MINDY3: variants seen among roughly 807,000 people sequenced by gnomAD.
MINDY3 encodes the protein MINDY lysine 48 deubiquitinase 3, also known as ubiquitin carboxyl-terminal hydrolase MINDY-3.
Under a neutral mutation model 69.2 loss-of-function variants are expected in MINDY3, and 38 were observed. That is an observed-to-expected ratio of 0.55 (90% CI 0.42 to 0.72). The LOEUF (loss-of-function observed/expected upper bound fraction) is 0.72, where lower values mean the gene tolerates loss of function less well. Among genes scored for constraint, MINDY3 ranks in the 30% least tolerant of loss-of-function variants. The probability of loss-of-function intolerance (pLI) is 0.00; values close to 1 mark genes in which losing one functional copy is unlikely to be tolerated. For synonymous variants in MINDY3, 192 were observed against 180.1 expected, an observed-to-expected ratio of 1.07 and a Z score of -0.53; for missense variants, 522 against 519.0, an observed-to-expected ratio of 1.01 and a Z score of -0.06.
At position 15,789,231 on chromosome 10, in the gene MINDY3, T is replaced by G. The variant is rs1837226516; in HGVS notation, c.1028+16A>C. 1 of 1,585,082 alleles carries G rather than the reference T, an allele frequency of 6.3e-7. No individual in the cohort carries two copies. The highest frequency in any genetic ancestry group is 1.3e-5 in the African/African-American group (1 of 74,214). On this transcript the variant is annotated intron_variant, in intron 12 of 14. Coordinates refer to ENST00000277632, the MANE Select transcript of MINDY3 (RefSeq NM_024948.4). Reference sequence around the variant, plus strand: ...TCTTTTTGAGTTGGCTAAATAACACTTCCTATTTAGCTTACTATTCAGGAT... The same window carrying G: ...TCTTTTTGAGTTGGCTAAATAACACGTCCTATTTAGCTTACTATTCAGGAT...
intron 10 of MINDY3, among the ~76,000 whole-genome samples, chr10:15,815,242 G>A (rs188508599): frequency 6.6e-6 from 1 of 152,220 alleles, no homozygotes; most frequent in East Asian, 1.9e-4. Flanking sequence ...CTTCAGGAAG[G>A]AAATAAATAG....
intron 10 of MINDY3, among the ~76,000 whole-genome samples, chr10:15,800,166 A>C (rs1285866770): frequency 6.6e-6 from 1 of 152,158 alleles, no homozygotes; most frequent in Non-Finnish European, 1.5e-5. Context: ...GATATTTTCA[A>C]AAGTTAAGAA....
intron 1 of MINDY3, among the ~76,000 whole-genome samples, chr10:15,852,040 G>A (rs749949209): frequency 6.6e-5 from 10 of 152,062 alleles, no homozygotes; most frequent in Non-Finnish European, 1.3e-4. Context: ...TTATTTTTCA[G>A]GTCTCAGTTT....
At chr10:15,803,368 A>G (rs968847712) in intron 10 of MINDY3, among the ~76,000 whole-genome samples, 1 of 152,190 alleles carries the variant, frequency 6.6e-6, no homozygotes, top group Non-Finnish European at 1.5e-5. Flanking sequence ...AATATACTGC[A>G]TATTTGCATA....
chr10:15,793,495 A>G (rs1674576969), intron 11 of MINDY3, among the ~76,000 whole-genome samples: 1 of 152,196 alleles, frequency 6.6e-6, no homozygotes, highest in Non-Finnish European at 1.5e-5. Context: ...ATGGGCAGAA[A>G]TTGCTCAACT....
At chr10:15,798,122 A>G (rs1163026832) in intron 10 of MINDY3, among the ~76,000 whole-genome samples, 1 of 152,156 alleles carries the variant, frequency 6.6e-6, no homozygotes, top group Admixed American at 6.5e-5. Context: ...TGAATGAGGA[A>G]AAGTTCTGAA....
chr10:15,814,631 A>G (rs1011236003), intron 10 of MINDY3, among the ~76,000 whole-genome samples: 8 of 152,104 alleles, frequency 5.3e-5, no homozygotes, highest in African/African-American at 1.7e-4. Context: ...TGCACATGAC[A>G]GGGATCTATG....
Position 15,852,854 on chromosome 10 carries a change from C to T in MINDY3, c.95-4911G>A, listed in dbSNP as rs896410503. ...AAAATATTTGAGGGTGGGAAAAAAA[C>T]GATGGTTGGGTCTGTACTAAACATG... is the stretch of plus-strand genomic sequence containing the variant. On this transcript the variant is annotated intron_variant, in intron 1 of 14. Coordinates refer to ENST00000277632, the MANE Select transcript of MINDY3 (RefSeq NM_024948.4). Among the ~76,000 whole-genome samples the T allele has an allele frequency of 5.3e-5, 8 of 152,014 alleles. 1 individual carries two copies. The highest frequency in any genetic ancestry group is 4.1e-4 in the South Asian group (2 of 4,820).
At chr10:15,841,929 G>C (rs1352243867) in intron 3 of MINDY3, among the ~76,000 whole-genome samples, 1 of 151,636 alleles carries the variant, frequency 6.6e-6, no homozygotes, top group African/African-American at 2.4e-5. Flanking sequence ...TAAGCCAAGA[G>C]GTTTCCTCTA....
chr10:15,784,910 G>T (rs142887008), intron 13 of MINDY3, among the ~76,000 whole-genome samples: 1 of 152,078 alleles, frequency 6.6e-6, no homozygotes. Context: ...CACCGAGGGC[G>T]TCTGAGCTGC....
chr10:15,854,515 G>A (rs991188564), intron 1 of MINDY3, among the ~76,000 whole-genome samples: 2 of 152,060 alleles, frequency 1.3e-5, no homozygotes, highest in Non-Finnish European at 2.9e-5. Context: ...GGGGACCTGA[G>A]TTCCAAAAAC....
chr10:15,788,291 A>T (rs140459286), intron 12 of MINDY3, among the ~76,000 whole-genome samples: 1 of 152,168 alleles, frequency 6.6e-6, no homozygotes. Context: ...TTATTCATTT[A>T]TTAATATTTC....
At chr10:15,845,813 ATTTTTTTTT>A (rs891710697) in intron 2 of MINDY3, among the ~76,000 whole-genome samples, 2 of 49,306 alleles carry the variant, frequency 4.1e-5, no homozygotes, top group East Asian at 5.7e-4. Flanking sequence ...GGCCTATGTG[ATTTTTTTTT>A]TTTTTTTTTT....
chr10:15,786,566 C>T lies in MINDY3; in HGVS notation c.1111G>A (p.Asp371Asn), dbSNP rs1304319883. ...TATTTCCTCAACTATGTTACCTGAT[C>T]AGGAAAAAATTCTTGAAGAAATGGG... ...LGPFLQEFFP[D>N]QGSSGPESFT... is the part of the protein sequence containing the mutation. The change falls in exon 13 of 15, where the codon GAT becomes AAT. Residue 371 changes from aspartate (D) to asparagine (N), a missense_variant. Physicochemically the swap from Asp to Asn is conservative, Grantham distance 23. Transcript: ENST00000277632. 1.3e-6 allele frequency: 2 copies of T among 1,546,170 alleles called. No individual in the cohort carries two copies. The highest frequency in any genetic ancestry group is 4.5e-5 in the East Asian group (2 of 44,428).
intron 13 of MINDY3, 123 bp from the exon 14 acceptor site, chr10:15,782,349 A>G (rs574853100): frequency 7.5e-4 from 511 of 679,466 alleles, no homozygotes; most frequent in Non-Finnish European, 1.1e-3. Context: ...TCATTTGACA[A>G]AAGAAGGAAC....
chr10:15,778,749 A>G lies in MINDY3; in HGVS notation c.*243T>C. Reference sequence around the variant, plus strand: ...CAAGTATCTGAATGCAAAAGTGATGAACTTTGATGAAAGCTTAATTTTGCT... The same window carrying G: ...CAAGTATCTGAATGCAAAAGTGATGGACTTTGATGAAAGCTTAATTTTGCT... On this transcript the variant is annotated 3_prime_UTR_variant, in exon 15 of 15. Coordinates refer to ENST00000277632, the MANE Select transcript of MINDY3 (RefSeq NM_024948.4). 2.8e-6 allele frequency: 1 copy of G among 351,246 alleles called. No individual in the cohort carries two copies. Among genetic ancestry groups the G allele is most frequent in the Non-Finnish European group, 5.1e-6 (1 of 194,274 alleles). The allele number at this position is 351,246 out of a possible 1,614,324, so 21.8% of individuals were successfully genotyped here.
Position 15,785,793 on chromosome 10 carries a change from C to T in MINDY3, c.1116+768G>A, listed in dbSNP as rs186140292. Among the ~76,000 whole-genome samples the T allele has an allele frequency of 3.9e-3, 591 of 152,076 alleles. 1 individual carries two copies. Among genetic ancestry groups the T allele is most frequent in the African/African-American group, 0.014 (565 of 41,474 alleles). On this transcript the variant is annotated intron_variant, in intron 13 of 14. Transcript: ENST00000277632. ...TAGTAATTATATTTTGAAATTTTCC[C>T]TCTTGCTTTTAAATTTTTTCTATTT...
intron 6 of MINDY3, among the ~76,000 whole-genome samples, chr10:15,835,914 T>C (rs1833047345): frequency 6.6e-6 from 1 of 152,022 alleles, no homozygotes; most frequent in Admixed American, 6.6e-5. Context: ...CTGACTCTAG[T>C]CTTATATTAC....
intron 13 of MINDY3, among the ~76,000 whole-genome samples, chr10:15,784,220 G>T (rs1442647446): frequency 6.6e-6 from 1 of 152,192 alleles, no homozygotes; most frequent in Non-Finnish European, 1.5e-5. Context: ...TGGAGAGTAT[G>T]TGCTTGGGAA....
Sources: allele counts gnomAD v4.1 joint callset (sites outside exome capture counted in the v4.1 genomes callset), GRCh38; gene constraint gnomAD v4.1.1; transcripts MANE v1.5; gene names NCBI Gene and HGNC (gene_info 2026-07-23, HGNC 2026-07-21).